The following ASIC2 variants were observed in gnomAD, a reference collection of about 807,000 sequenced individuals.
ASIC2 encodes acid-sensing ion channel 2.
A neutral mutation model predicts 57.3 loss-of-function variants in ASIC2; 25 were observed. That is an observed-to-expected ratio of 0.44 (90% CI 0.32 to 0.61). The LOEUF (loss-of-function observed/expected upper bound fraction) is 0.61. ASIC2 is among the 20% of genes least tolerant of loss of function. The pLI is 0.06. For synonymous variants in ASIC2, 319 were observed against 307.5 expected (o/e 1.04, Z -0.39); for missense variants, 641 against 738.1 (o/e 0.87, Z 1.52).
At chr17:33,276,147 C>T (rs1177967010) in intron 1 of ASIC2, among the ~76,000 whole-genome samples, 1 of 152,068 alleles carries the variant, frequency 6.6e-6, no homozygotes, top group African/African-American at 2.4e-5. Flanking sequence ...TCCTTAGAGG[C>T]TGGCACAGTG....
At chr17:33,692,599 TA>T (rs570964773) in intron 1 of ASIC2, 8 of 152,202 alleles carry the variant, frequency 5.3e-5, no homozygotes, top group Non-Finnish European at 1.2e-4. Context: ...TTTAAACCAG[TA>T]CACCTGTATA....
chr17:33,649,018 C>T (rs1322211239), intron 1 of ASIC2, among the ~76,000 whole-genome samples: 1 of 152,152 alleles, frequency 6.6e-6, no homozygotes, highest in Non-Finnish European at 1.5e-5. Context: ...AAGATATCCA[C>T]TCTCACCACT....
rs1465656360 is a variant in ASIC2 at position 33,862,339 on chromosome 17, ATAGAG to A, written c.555+293634_555+293638del. Among the ~76,000 whole-genome samples, 6 of 152,356 alleles carry A rather than the reference ATAGAG, an allele frequency of 3.9e-5. No homozygotes were observed. The East Asian group carries it at 7.7e-4, about 20-fold the overall frequency. ...TAGTCCTCACAAAATCATCGTAGAT[ATAGAG>A]TATTTATTTACTTCATTTTTCATAT... On this transcript the variant is annotated intron_variant, in intron 1 of 9. Coordinates refer to the ASIC2 transcript ENST00000359872.
At chr17:34,025,659 A>G (rs1360614890) in intron 1 of ASIC2, among the ~76,000 whole-genome samples, 1 of 152,218 alleles carries the variant, frequency 6.6e-6, no homozygotes, top group African/African-American at 2.4e-5. Flanking sequence ...CACAAAGCCA[A>G]TGTAATAGCA....
chr17:34,087,682 A>T (rs1240046820), intron 1 of ASIC2, among the ~76,000 whole-genome samples: 1 of 150,890 alleles, frequency 6.6e-6, no homozygotes, highest in Admixed American at 6.6e-5. Flanking sequence ...TACACCAATC[A>T]GACGTAGATT....
At chr17:33,767,415 A>C (rs1910966482) in intron 1 of ASIC2, among the ~76,000 whole-genome samples, 1 of 152,238 alleles carries the variant, frequency 6.6e-6, no homozygotes, top group Non-Finnish European at 1.5e-5. Flanking sequence ...TTTGCGTATA[A>C]ATTAGTGAGT....
intron 1 of ASIC2, among the ~76,000 whole-genome samples, chr17:33,978,752 T>G (rs1417640901): frequency 6.6e-6 from 1 of 152,128 alleles, no homozygotes; most frequent in African/African-American, 2.4e-5. Context: ...AACCCTGCCT[T>G]GGACAGAGGG....
intron 1 of ASIC2, among the ~76,000 whole-genome samples, chr17:33,767,776 C>T (rs1377977956): frequency 6.6e-6 from 1 of 152,114 alleles, no homozygotes; most frequent in Non-Finnish European, 1.5e-5. Flanking sequence ...TATTTTTAGA[C>T]AATACATTTA....
At chr17:33,873,552 G>A (rs1914476455) in intron 1 of ASIC2, among the ~76,000 whole-genome samples, 1 of 152,160 alleles carries the variant, frequency 6.6e-6, no homozygotes, top group African/African-American at 2.4e-5. Context: ...GTGTGACCTT[G>A]TATAGGTTTC....
chr17:33,264,925 T>C (rs914154307), intron 1 of ASIC2, among the ~76,000 whole-genome samples: 2 of 152,244 alleles, frequency 1.3e-5, no homozygotes, highest in Non-Finnish European at 2.9e-5. Context: ...CCCAGCTGGA[T>C]GTAAACTCTG....
At chr17:33,857,950 T>C (rs888362736) in intron 1 of ASIC2, among the ~76,000 whole-genome samples, 2 of 152,248 alleles carry the variant, frequency 1.3e-5, no homozygotes, top group Non-Finnish European at 2.9e-5. Context: ...GTCAGCATCT[T>C]CCACAGCAAA....
At chr17:33,229,532 T>C (rs1908012909) in intron 1 of ASIC2, among the ~76,000 whole-genome samples, 1 of 152,152 alleles carries the variant, frequency 6.6e-6, no homozygotes, top group Non-Finnish European at 1.5e-5. Flanking sequence ...AGAAAACGCC[T>C]GAGCTGGACC....
intron 1 of ASIC2, among the ~76,000 whole-genome samples, chr17:34,022,158 A>C (rs1255161030): frequency 6.6e-6 from 1 of 152,122 alleles, no homozygotes; most frequent in East Asian, 1.9e-4. Context: ...GCCAGGATTA[A>C]GCACCACTTC....
chr17:33,388,447 G>A (rs1390210251), intron 1 of ASIC2, among the ~76,000 whole-genome samples: 2 of 152,198 alleles, frequency 1.3e-5, no homozygotes, highest in Admixed American at 1.3e-4. Context: ...TCTGATCAAA[G>A]TACACCCATA....
intron 1 of ASIC2, among the ~76,000 whole-genome samples, chr17:33,775,865 G>A (rs1209974248): frequency 1.3e-5 from 2 of 152,166 alleles, no homozygotes; most frequent in Non-Finnish European, 2.9e-5. Context: ...GGACGCTGTG[G>A]CTCACACCTG....
At chr17:34,037,664 A>G in intron 1 of ASIC2, 1 of 1,613,692 alleles carries the variant, frequency 6.2e-7, no homozygotes. Flanking sequence ...GGTTGATGCA[A>G]TAGCAGCTCC....
At chr17:33,101,942 C>G (rs568025480) in intron 2 of ASIC2, among the ~76,000 whole-genome samples, 2 of 152,120 alleles carry the variant, frequency 1.3e-5, no homozygotes, top group East Asian at 3.9e-4. Context: ...ATCCCAGACT[C>G]TATGGCAGAG....
At chr17:33,637,934 C>T (rs552615263) in intron 1 of ASIC2, among the ~76,000 whole-genome samples, 2 of 152,078 alleles carry the variant, frequency 1.3e-5, no homozygotes, top group African/African-American at 2.4e-5. Context: ...ACGGGTGCTG[C>T]TGATTGGCTG....
intron 1 of ASIC2, among the ~76,000 whole-genome samples, chr17:33,429,727 AT>A (rs1017859197): frequency 2.6e-5 from 4 of 152,174 alleles, no homozygotes; most frequent in Admixed American, 1.3e-4. Context: ...GATCTGAGGC[AT>A]TTTGTTGCCT....
Sources: gnomAD v4.1 joint callset for allele counts (sites outside exome capture counted in the v4.1 genomes callset) on GRCh38, gnomAD v4.1.1 for gene constraint, MANE v1.5 for transcripts, NCBI Gene and HGNC (gene_info 2026-07-23, HGNC 2026-07-21) for gene names.